The following PIEZO2 variants were observed in gnomAD, a reference collection of about 807,000 sequenced individuals.
PIEZO2 encodes the protein piezo-type mechanosensitive ion channel component 2.
A neutral mutation model predicts 337.3 loss-of-function variants in PIEZO2; 172 were observed. The ratio of observed to expected loss-of-function variants is 0.51; its 90% CI spans 0.45 to 0.58. The LOEUF is 0.58. Ranked by LOEUF, PIEZO2 falls within the 20% of genes least tolerant of loss-of-function variation. The probability of loss-of-function intolerance (pLI) is 0.00; values close to 1 mark genes in which losing one functional copy is unlikely to be tolerated. For missense variants in PIEZO2, 3,028 were observed against 3,391.3 expected (o/e 0.89, Z 2.66); for synonymous variants, 1,251 against 1,228.5 (o/e 1.02, Z -0.38).
intron 27 of PIEZO2, among the ~76,000 whole-genome samples, chr18:10,754,685 G>C (rs373904697): frequency 6.6e-6 from 1 of 152,172 alleles, no homozygotes; most frequent in South Asian, 2.1e-4. Context: ...TCTTACCTTA[G>C]ATCAGTGCCT....
rs2035544523 is a variant in PIEZO2, at chr18:10,705,537, G to A, written c.5798C>T (p.Thr1933Ile). The A allele has an allele frequency of 6.5e-7, 1 of 1,537,142 alleles. No homozygotes were observed. The part of the protein sequence containing the change: ...TPEEELTQFS[T>I]LDGDVEAPPS... ...TGGGGCCTCCACATCCCCGTCCAAG[G>A]TGGAGAACTGTGTCAGCTCTTCCTC... is the stretch of plus-strand genomic sequence containing the variant. Residue 1933 changes from threonine (T) to isoleucine (I), a missense_variant, in exon 41 of 56, where the codon ACC becomes ATC. Thr to Ile is a moderately conservative substitution (Grantham distance 89). Coordinates refer to ENST00000674853, the MANE Select transcript of PIEZO2 (RefSeq NM_001378183.1).
chr18:10,791,420 G>C (rs893485982), intron 13 of PIEZO2, 96 bp from the exon 14 acceptor site: 2 of 1,307,210 alleles, frequency 1.5e-6, no homozygotes, highest in African/African-American at 3.0e-5. Context: ...TCCAGTGGGA[G>C]CACAATAAAT....
chr18:10,810,147 T>C (rs531724676), intron 7 of PIEZO2, among the ~76,000 whole-genome samples: 2 of 152,086 alleles, frequency 1.3e-5, no homozygotes, highest in African/African-American at 4.8e-5. Flanking sequence ...AATCTAATAA[T>C]GTTGATGGGT....
At chr18:11,084,408 TGGCA>T in intron 1 of PIEZO2, among the ~76,000 whole-genome samples, 1 of 152,266 alleles carries the variant, frequency 6.6e-6, no homozygotes, top group African/African-American at 2.4e-5. Flanking sequence ...AAGTACGAAC[TGGCA>T]TCATTCTTCT....
chr18:10,699,222 G>A (rs1462777524), intron 43 of PIEZO2, 45 bp from the exon 44 acceptor site: 5 of 1,533,412 alleles, frequency 3.3e-6, no homozygotes, highest in African/African-American at 1.4e-5. Context: ...TGTTTCAGGT[G>A]GAACCCTTGG....
chr18:10,835,053 C>G (rs929684017), intron 7 of PIEZO2, among the ~76,000 whole-genome samples: 1 of 152,170 alleles, frequency 6.6e-6, no homozygotes, highest in Admixed American at 6.5e-5. Flanking sequence ...CTCTTTCACC[C>G]CTCCATCATG....
chr18:11,036,094 A>G (rs2036917420), intron 2 of PIEZO2, among the ~76,000 whole-genome samples: 1 of 152,166 alleles, frequency 6.6e-6, no homozygotes, highest in Non-Finnish European at 1.5e-5. Flanking sequence ...AGGAGATTCT[A>G]ATGTGCCTGC....
intron 5 of PIEZO2, among the ~76,000 whole-genome samples, chr18:10,860,440 G>A (rs867609641): frequency 6.6e-6 from 1 of 152,044 alleles, no homozygotes; most frequent in Non-Finnish European, 1.5e-5. Context: ...CCTAAGGCCC[G>A]GGTCCCAGGG....
At chr18:10,787,338 C>T (rs541035112) in intron 15 of PIEZO2, among the ~76,000 whole-genome samples, 154 bp from the exon 16 acceptor site, 1 of 152,168 alleles carries the variant, frequency 6.6e-6, no homozygotes, top group Admixed American at 6.5e-5. Flanking sequence ...TGTTCCGTGT[C>T]TATCACAGTG....
chr18:11,148,726 C>T lies in PIEZO2; in HGVS notation c.-138G>A. 4 of 889,018 alleles carry T rather than the reference C, an allele frequency of 4.5e-6. 1 individual carries two copies. The South Asian group carries it at 6.7e-5, about 15-fold the overall frequency. 55.1% of individuals were successfully genotyped at this position (889,018 alleles called of 1,614,324 possible). A position where few individuals can be genotyped will look rare whatever the true frequency, so the allele number is the denominator to read the frequency against. On this transcript the variant is annotated 5_prime_UTR_variant, in exon 1 of 56. Transcript: ENST00000674853. The surrounding 1 kb of genome is among the most constrained non-coding windows in gnomAD (Gnocchi z 5.2). ...ACCCGAGCATCGCCTCGGCGCGGGC[C>T]GCGACGCTCTCCGCCCCGAGGGCAC...
chr18:10,992,095 A>C (rs2035132135), intron 2 of PIEZO2, among the ~76,000 whole-genome samples: 1 of 151,772 alleles, frequency 6.6e-6, no homozygotes, highest in Admixed American at 6.6e-5. Context: ...TTTTCTTGTA[A>C]ATTTGTTTAA....
intron 3 of PIEZO2, among the ~76,000 whole-genome samples, chr18:10,917,349 C>T (rs2031060026): frequency 6.6e-6 from 1 of 152,086 alleles, no homozygotes; most frequent in Non-Finnish European, 1.5e-5. Context: ...TAATATAACA[C>T]AAAAGGGTTT....
At chr18:11,113,603 G>T (rs1444750041) in intron 1 of PIEZO2, among the ~76,000 whole-genome samples, 1 of 152,126 alleles carries the variant, frequency 6.6e-6, no homozygotes, top group Non-Finnish European at 1.5e-5. Flanking sequence ...GGCCCTCGCA[G>T]GTATCATGGT....
chr18:10,969,581 C>A lies in PIEZO2; in HGVS notation c.286+9954G>T, dbSNP rs989520831. On this transcript the variant is annotated intron_variant, in intron 3 of 55. Transcript: ENST00000674853. This position sits in a 1 kb window ranked among gnomAD's most constrained non-coding sequence, Gnocchi z 4.5. ...AATTTTCCCAAATCCAAATGGAAATCCAAATTTTTTTTTGCGAAGGAAATA... is the reference window on the plus strand; with the variant it reads ...AATTTTCCCAAATCCAAATGGAAATACAAATTTTTTTTTGCGAAGGAAATA... Among the ~76,000 whole-genome samples the A allele has an allele frequency of 6.6e-6, 1 of 151,986 alleles. No homozygotes were observed. Among genetic ancestry groups the A allele is most frequent in the Non-Finnish European group, 1.5e-5 (1 of 67,996 alleles).
At chr18:11,106,452 C>T (rs2039569156) in intron 1 of PIEZO2, among the ~76,000 whole-genome samples, 2 of 140,466 alleles carry the variant, frequency 1.4e-5, no homozygotes, top group Non-Finnish European at 3.0e-5. Context: ...CAGGGTCTCG[C>T]TCTGTTGCTC....
At chr18:10,722,640 A>G (rs2036367932) in intron 36 of PIEZO2, among the ~76,000 whole-genome samples, 1 of 152,212 alleles carries the variant, frequency 6.6e-6, no homozygotes, top group Admixed American at 6.5e-5. Flanking sequence ...TACCATAACT[A>G]AATCAAAATA....
In PIEZO2 at chr18:10,788,455, G is replaced by A. The variant is rs574558415; in HGVS notation, c.2169+624C>T. ...GGAAGGAAGGAAGGAAGGAAGGAAG[G>A]AAGGAAGGAAGGAAGGAAGGAAGAA... On this transcript the variant is annotated intron_variant, in intron 15 of 55. Coordinates refer to ENST00000674853, the MANE Select transcript of PIEZO2 (RefSeq NM_001378183.1). Among the ~76,000 whole-genome samples the A allele has an allele frequency of 4.8e-5, 7 of 144,968 alleles. No homozygotes were observed. The South Asian group carries it at 1.5e-3, about 31-fold the overall frequency.
At chr18:11,049,183 G>A (rs925405141) in intron 2 of PIEZO2, among the ~76,000 whole-genome samples, 3 of 152,150 alleles carry the variant, frequency 2.0e-5, no homozygotes, top group African/African-American at 4.8e-5. Context: ...TCTTCAGCAC[G>A]TATCAGGCCT....
rs2043091331 is a variant in PIEZO2, at chr18:10,903,153, A to C, written c.329+8033T>G. On this transcript the variant is annotated intron_variant, in intron 4 of 55. Transcript: ENST00000674853. This position sits in a 1 kb window ranked among gnomAD's most constrained non-coding sequence, Gnocchi z 4.1. ...TCACCAAGTTGTAACTTCGAATTCT[A>C]CTTACCTAAAATGCGTTTGGCATAC... Among the ~76,000 whole-genome samples the C allele has an allele frequency of 6.6e-6, 1 of 152,108 alleles. No individual in the cohort carries two copies. The highest frequency in any genetic ancestry group is 1.5e-5 in the Non-Finnish European group (1 of 68,022).
Sources: allele counts gnomAD v4.1 joint callset (sites outside exome capture counted in the v4.1 genomes callset), GRCh38; gene constraint gnomAD v4.1.1; non-coding constraint Gnocchi (gnomAD v3.1); transcripts MANE v1.5; gene names NCBI Gene and HGNC (gene_info 2026-07-23, HGNC 2026-07-21).